The following PPIL4 variants were observed in gnomAD, a reference collection of about 807,000 sequenced individuals.
PPIL4 encodes peptidyl-prolyl cis-trans isomerase-like 4.
Under a neutral mutation model 69.1 loss-of-function variants are expected in PPIL4, and 50 were observed. The ratio of observed to expected loss-of-function variants is 0.72; its 90% CI spans 0.58 to 0.92. The LOEUF (loss-of-function observed/expected upper bound fraction) is 0.92. Among genes scored for constraint, PPIL4 ranks in the 40% least tolerant of loss-of-function variants. PPIL4 has a pLI of 0.00. For synonymous variants in PPIL4, 193 were observed against 191.6 expected, an observed-to-expected ratio of 1.01 and a Z score of -0.06; for missense variants, 480 against 587.9, an observed-to-expected ratio of 0.82 and a Z score of 1.90.
chr6:149,537,234 A>C (rs943999404), intron 4 of PPIL4, among the ~76,000 whole-genome samples: 1 of 152,242 alleles, frequency 6.6e-6, no homozygotes, highest in Non-Finnish European at 1.5e-5. Flanking sequence ...CATGAAGACG[A>C]AACAGCCTTA....
At position 149,512,269 on chromosome 6, in the gene PPIL4, G is replaced by A. The variant is rs371642016; in HGVS notation, c.1113C>T (p.Ala371=). 245 of 1,612,476 alleles carry A rather than the reference G, an allele frequency of 1.5e-4. No individual in the cohort carries two copies. Among genetic ancestry groups the A allele is most frequent in the Non-Finnish European group, 2.0e-4 (231 of 1,179,026 alleles). ...TKYDLILDEQ[A]EDSKSSHSHT... is the part of the protein sequence containing the mutation. ...GTGAGTGACTTGATTTTGAGTCTTC[G>A]GCCTGCTCATCTAATATAAGATCGT... Residue 371 remains alanine, a synonymous_variant, in exon 12 of 13, where the codon GCC becomes GCT. Transcript: ENST00000253329.
intron 1 of PPIL4, among the ~76,000 whole-genome samples, chr6:149,543,354 T>C (rs1040587683): frequency 6.6e-6 from 1 of 152,150 alleles, no homozygotes; most frequent in South Asian, 2.1e-4. Context: ...AGAGAAATTC[T>C]ACAAGACAAA....
rs756554873 is a variant in PPIL4, at chr6:149,505,464, T to TA, written c.1467dup (p.Lys490Ter). 4.3e-6 allele frequency: 7 copies of TA among 1,612,162 alleles called. No individual in the cohort carries two copies. Among genetic ancestry groups the TA allele is most frequent in the Non-Finnish European group, 5.9e-6 (7 of 1,179,584 alleles). ...TGCCTCTTCATCTTTCATCTATACTTAGATTTTTCTTTATCTTTGGACTTC... is the reference window on the plus strand; with the variant it reads ...TGCCTCTTCATCTTTCATCTATACTTAAGATTTTTCTTTATCTTTGGACTTC... On this transcript the variant is annotated frameshift_variant, in exon 13 of 13. Transcript: ENST00000253329. LOFTEE classifies it high-confidence loss of function.
At chr6:149,520,601 ACTCT>A (rs1777015485) in intron 10 of PPIL4, among the ~76,000 whole-genome samples, 1 of 149,640 alleles carries the variant, frequency 6.7e-6, no homozygotes, top group Non-Finnish European at 1.5e-5. Context: ...ACACACACAC[ACTCT>A]ACCTCAGATT....
chr6:149,517,666 A>G (rs542219967), intron 10 of PPIL4: 28 of 403,506 alleles, frequency 6.9e-5, no homozygotes, highest in African/African-American at 5.1e-4. Flanking sequence ...ACCTAACGAT[A>G]TATGTGAATA....
At chr6:149,519,840 C>A (rs17087564) in intron 10 of PPIL4, among the ~76,000 whole-genome samples, 7,777 of 152,068 alleles carry the variant, frequency 0.051, 435 homozygotes, top group African/African-American at 0.14. Flanking sequence ...AGAAAGTAAC[C>A]CTGAAATTCC....
chr6:149,524,182 CTA>C lies in PPIL4; in HGVS notation c.870+959_870+960del, dbSNP rs143995739. On this transcript the variant is annotated intron_variant, in intron 9 of 12. Coordinates refer to ENST00000253329, the MANE Select transcript of PPIL4 (RefSeq NM_139126.4). ...AGACATATCTGAGTTCAAATCCCAG[CTA>C]TGACATTCATTCACTAGGTGTGTGA... 1.6e-3 allele frequency among the ~76,000 whole-genome samples: 238 copies of C among 151,648 alleles called. 1 individual carries two copies. Among genetic ancestry groups the C allele is most frequent in the African/African-American group, 5.4e-3 (223 of 41,524 alleles).
chr6:149,511,541 C>G (rs1776842749), intron 12 of PPIL4, among the ~76,000 whole-genome samples: 1 of 152,080 alleles, frequency 6.6e-6, no homozygotes, highest in African/African-American at 2.4e-5. Context: ...TCCCAAAGTG[C>G]TAGGATTACA....
intron 12 of PPIL4, among the ~76,000 whole-genome samples, chr6:149,506,714 T>C (rs960309394): frequency 6.6e-6 from 1 of 152,036 alleles, no homozygotes; most frequent in Non-Finnish European, 1.5e-5. Flanking sequence ...CCCACCTCAG[T>C]CTCCTAAGTA....
chr6:149,526,447 T>A (rs1054035654), intron 8 of PPIL4, among the ~76,000 whole-genome samples: 1 of 152,044 alleles, frequency 6.6e-6, no homozygotes, highest in African/African-American at 2.4e-5. Context: ...TTCAATTATT[T>A]ATCTGTGTGT....
chr6:149,535,494 G>C, intron 5 of PPIL4, 102 bp downstream of exon 5: 1 of 697,696 alleles, frequency 1.4e-6, no homozygotes, highest in Admixed American at 3.0e-5. Flanking sequence ...GAATTATCCA[G>C]AAACCAGTCC....
chr6:149,543,932 T>C lies in PPIL4; in HGVS notation c.70+2004A>G, dbSNP rs535149059. On this transcript the variant is annotated intron_variant, in intron 1 of 12. Transcript: ENST00000253329. ...GTTAAAAAAGAAAAGGAAGAAAGAA[T>C]GGAAGGTAGGTAAGTCTGGATATGT... Among the ~76,000 whole-genome samples the C allele has an allele frequency of 2.0e-5, 3 of 152,348 alleles. No individual in the cohort carries two copies. In the South Asian group the frequency reaches 6.2e-4, roughly 32 times the overall value.
At chr6:149,509,702 T>C (rs1392416377) in intron 12 of PPIL4, among the ~76,000 whole-genome samples, 1 of 152,150 alleles carries the variant, frequency 6.6e-6, no homozygotes, top group Non-Finnish European at 1.5e-5. Context: ...CTGATGAGAA[T>C]ATACCCCAGG....
chr6:149,519,521 C>T (rs538253343), intron 10 of PPIL4, among the ~76,000 whole-genome samples: 21 of 152,312 alleles, frequency 1.4e-4, no homozygotes, highest in Non-Finnish European at 2.5e-4. Context: ...TCACAAATCA[C>T]TCAAACAGCA....
chr6:149,535,207 T>G (rs1256950897), intron 5 of PPIL4, among the ~76,000 whole-genome samples: 3 of 152,066 alleles, frequency 2.0e-5, no homozygotes, highest in East Asian at 1.9e-4. Flanking sequence ...ATACAAAAAA[T>G]TAGCCAGGTG....
At chr6:149,515,932 TAAG>T (rs1333252862) in intron 11 of PPIL4, among the ~76,000 whole-genome samples, 1 of 152,180 alleles carries the variant, frequency 6.6e-6, no homozygotes. Context: ...CTCTTTCTCT[TAAG>T]GCCCATAAAG....
At position 149,505,594 on chromosome 6, in the gene PPIL4, A is replaced by C. The variant is rs1427691843; in HGVS notation, c.1338T>G (p.Ser446=). The part of the protein sequence containing the change: ...DRTQNRSRSR[S]RERDGHYSNS... ...TACTATAATGGCCATCCCTCTCTCGAGATCGGCTACGACTTCGGTTCTGAG... is the reference window on the plus strand; with the variant it reads ...TACTATAATGGCCATCCCTCTCTCGCGATCGGCTACGACTTCGGTTCTGAG... Residue 446 remains serine (S), a synonymous_variant, in exon 13 of 13, where the codon TCT becomes TCG. Transcript: ENST00000253329. The C allele has an allele frequency of 6.2e-7, 1 of 1,613,950 alleles. No individual in the cohort carries two copies. The highest frequency in any genetic ancestry group is 1.3e-5 in the African/African-American group (1 of 74,874).
Position 149,505,206 on chromosome 6 carries a change from G to C in PPIL4, c.*247C>G. 1 of 354,274 alleles carries C rather than the reference G, an allele frequency of 2.8e-6. No homozygotes were observed. The highest frequency in any genetic ancestry group is 5.2e-5 in the East Asian group (1 of 19,146). The allele number at this position is 354,274 out of a possible 1,614,324, so 21.9% of individuals were successfully genotyped here. A position where few individuals can be genotyped will look rare whatever the true frequency, so the allele number is the denominator to read the frequency against. ...ACTTCATTAAAAAAAGAGTGAAAAT[G>C]TAAGACTTCAAAAATGAAGACTACC... On this transcript the variant is annotated 3_prime_UTR_variant, in exon 13 of 13. Transcript: ENST00000253329.
At chr6:149,544,022 A>C (rs922182059) in intron 1 of PPIL4, among the ~76,000 whole-genome samples, 1 of 152,238 alleles carries the variant, frequency 6.6e-6, no homozygotes, top group Admixed American at 6.5e-5. Context: ...CTCCAGTCAT[A>C]TGCTTACAAA....
Sources: allele counts gnomAD v4.1 joint callset (sites outside exome capture counted in the v4.1 genomes callset), GRCh38; gene constraint gnomAD v4.1.1; transcripts MANE v1.5; gene names NCBI Gene and HGNC (gene_info 2026-07-23, HGNC 2026-07-21).